GSG1L: variants seen among roughly 807,000 people sequenced by gnomAD.
GSG1L encodes GSG1 like.
GSG1L carries 24 observed loss-of-function variants against 42.1 expected under a neutral mutation model. That is an observed-to-expected ratio of 0.57 (90% confidence interval 0.41 to 0.80). GSG1L has a LOEUF of 0.80. Ranked by LOEUF, GSG1L falls within the 30% of genes least tolerant of loss-of-function variation. The probability of loss-of-function intolerance (pLI) is 0.00; values close to 1 mark genes in which losing one functional copy is unlikely to be tolerated. For synonymous variants in GSG1L, 215 were observed against 203.5 expected (o/e 1.06, Z -0.48); for missense variants, 445 against 472.2 (o/e 0.94, Z 0.53).
In GSG1L at chr16:28,048,072, A is replaced by T. The variant is rs577409400; in HGVS notation, c.349+15004T>A. On this transcript the variant is annotated intron_variant, in intron 1 of 6. Coordinates refer to ENST00000447459, the MANE Select transcript of GSG1L (RefSeq NM_001109763.2). ...CATCTTTACAAAAAAAAAAAAAAAA[A>T]ATTTTAATTAGCCAGGCATGGTGGC... Among the ~76,000 whole-genome samples, 471 of 149,782 alleles carry T rather than the reference A, an allele frequency of 3.1e-3. 2 individuals carry two copies. Among genetic ancestry groups the T allele is most frequent in the African/African-American group, 0.011 (429 of 39,746 alleles).
chr16:27,888,495 C>CTTTCTTTCTT (rs2084073704), intron 2 of GSG1L, among the ~76,000 whole-genome samples: 1 of 5,992 alleles, frequency 1.7e-4, no homozygotes, highest in Non-Finnish European at 4.4e-4. Flanking sequence ...TTCTTTCTTT[C>CTTTCTTTCTT]TTTCTTTCTT....
intron 1 of GSG1L, among the ~76,000 whole-genome samples, chr16:27,973,640 G>A (rs368128132): frequency 1.3e-5 from 2 of 152,130 alleles, no homozygotes; most frequent in East Asian, 3.9e-4. Context: ...TCAGTGCAGG[G>A]ATTCTAGAGC....
chr16:27,892,549 A>T (rs140178625), intron 2 of GSG1L, among the ~76,000 whole-genome samples: 33 of 152,268 alleles, frequency 2.2e-4, no homozygotes, highest in African/African-American at 7.9e-4. Context: ...AGATCACCTG[A>T]GGTCAGGAGT....
intron 2 of GSG1L, among the ~76,000 whole-genome samples, chr16:27,914,961 C>T (rs1321822440): frequency 6.6e-6 from 1 of 152,016 alleles, no homozygotes; most frequent in African/African-American, 2.4e-5. Flanking sequence ...ACTTCGGAGC[C>T]CTGTGATTAC....
chr16:27,992,811 G>T (rs759993390), intron 1 of GSG1L, among the ~76,000 whole-genome samples: 1 of 152,110 alleles, frequency 6.6e-6, no homozygotes, highest in Non-Finnish European at 1.5e-5. Flanking sequence ...AGAAACCATG[G>T]CCCAGGGAGG....
chr16:27,837,866 T>C (rs1413074432), intron 4 of GSG1L, among the ~76,000 whole-genome samples: 1 of 151,062 alleles, frequency 6.6e-6, no homozygotes, highest in African/African-American at 2.4e-5. Flanking sequence ...TTTTTTTTTT[T>C]CTGTCCTTTA....
At position 28,034,540 on chromosome 16, in the gene GSG1L, A is replaced by G. The variant is rs570677239; in HGVS notation, c.349+28536T>C. 2.0e-3 allele frequency among the ~76,000 whole-genome samples: 306 copies of G among 151,684 alleles called. 1 individual carries two copies. The highest frequency in any genetic ancestry group is 6.8e-3 in the African/African-American group (280 of 41,378). On this transcript the variant is annotated intron_variant, in intron 1 of 6. Coordinates refer to ENST00000447459, the MANE Select transcript of GSG1L (RefSeq NM_001109763.2). ...TCTCTCAACTTCCCATTGTTCTTCTATCTGTCTCCTCTTTTTTTCCCTTTC... is the reference window on the plus strand; with the variant it reads ...TCTCTCAACTTCCCATTGTTCTTCTGTCTGTCTCCTCTTTTTTTCCCTTTC...
chr16:27,895,587 G>A (rs534354160), intron 2 of GSG1L, among the ~76,000 whole-genome samples: 2 of 152,284 alleles, frequency 1.3e-5, no homozygotes, highest in Non-Finnish European at 2.9e-5. Context: ...CAGAGTTAGA[G>A]GAAAAGGAAA....
At position 28,011,038 on chromosome 16, in the gene GSG1L, C is replaced by G. The variant is rs74493624; in HGVS notation, c.350-47835G>C. On this transcript the variant is annotated intron_variant, in intron 1 of 6. Transcript: ENST00000447459. The stretch of plus-strand genomic sequence containing the variant: ...GGCAGGCTGCACTCCTTGGATGCCC[C>G]TAAGAGCTCCCAGGAGAATGAAAGG... Among the ~76,000 whole-genome samples the G allele has an allele frequency of 4.8e-3, 731 of 152,276 alleles. 7 individuals carry two copies. Among genetic ancestry groups the G allele is most frequent in the African/African-American group, 0.017 (700 of 41,540 alleles).
At chr16:27,991,588 A>G (rs1214605491) in intron 1 of GSG1L, among the ~76,000 whole-genome samples, 2 of 151,698 alleles carry the variant, frequency 1.3e-5, no homozygotes, top group African/African-American at 4.8e-5. Context: ...TATTTTTAGT[A>G]GACACGAGGT....
At chr16:27,852,803 G>C (rs1221934376) in intron 3 of GSG1L, among the ~76,000 whole-genome samples, 1 of 152,206 alleles carries the variant, frequency 6.6e-6, no homozygotes, top group Non-Finnish European at 1.5e-5. Flanking sequence ...CCTGAGAACA[G>C]GCGAGAGGAG....
intron 2 of GSG1L, among the ~76,000 whole-genome samples, chr16:27,951,958 A>C (rs1418084952): frequency 6.6e-6 from 1 of 152,214 alleles, no homozygotes; most frequent in Non-Finnish European, 1.5e-5. Flanking sequence ...TGAAATATTA[A>C]ACAAATGAAA....
intron 1 of GSG1L, among the ~76,000 whole-genome samples, chr16:27,975,354 G>A (rs1016660279): frequency 5.3e-5 from 8 of 152,012 alleles, no homozygotes; most frequent in Admixed American, 5.2e-4. Context: ...ATGGAGGGGT[G>A]GATGGAGAAC....
chr16:27,800,968 G>A (rs1020439477), intron 6 of GSG1L, among the ~76,000 whole-genome samples: 1 of 152,074 alleles, frequency 6.6e-6, no homozygotes, highest in Non-Finnish European at 1.5e-5. Context: ...CCGGTGATAT[G>A]GGGATGACTG....
At chr16:27,979,733 A>AGGAAGGAAGGAAGG in intron 1 of GSG1L, among the ~76,000 whole-genome samples, 1 of 65,358 alleles carries the variant, frequency 1.5e-5, no homozygotes, top group African/African-American at 5.7e-5. Flanking sequence ...GAAGGAAAGA[A>AGGAAGGAAGGAAGG]AAAGAAAGAA....
chr16:28,043,393 G>A (rs1443865731), intron 1 of GSG1L, among the ~76,000 whole-genome samples: 1 of 152,202 alleles, frequency 6.6e-6, no homozygotes, highest in South Asian at 2.1e-4. Context: ...ACATTCAGAG[G>A]TACCAACAGC....
chr16:27,858,166 C>T (rs993507139), intron 3 of GSG1L, among the ~76,000 whole-genome samples: 11 of 152,234 alleles, frequency 7.2e-5, no homozygotes, highest in Non-Finnish European at 1.3e-4. Flanking sequence ...ATTAGTTTCA[C>T]TGGCCAGGAC....
chr16:27,860,993 G>A (rs2083642357), intron 3 of GSG1L, among the ~76,000 whole-genome samples: 1 of 152,214 alleles, frequency 6.6e-6, no homozygotes, highest in African/African-American at 2.4e-5. Flanking sequence ...TGGGCCACTG[G>A]TGGGGAATGC....
chr16:27,919,570 T>C (rs1481303792), intron 2 of GSG1L, among the ~76,000 whole-genome samples: 4 of 152,138 alleles, frequency 2.6e-5, no homozygotes, highest in Admixed American at 6.5e-5. Flanking sequence ...TTTCAGCAAA[T>C]GCAGCAGAAC....
Sources: allele counts gnomAD v4.1 joint callset (sites outside exome capture counted in the v4.1 genomes callset), GRCh38; gene constraint gnomAD v4.1.1; transcripts MANE v1.5; gene names NCBI Gene and HGNC (gene_info 2026-07-23, HGNC 2026-07-21).